PTPN21: variants seen among roughly 807,000 people sequenced by gnomAD.
The protein encoded by PTPN21 is tyrosine-protein phosphatase non-receptor type 21.
A neutral mutation model predicts 131.8 loss-of-function variants in PTPN21; 77 were observed. The ratio of observed to expected loss-of-function variants is 0.58; its 90% CI spans 0.49 to 0.71. PTPN21 has a LOEUF of 0.71. Among genes scored for constraint, PTPN21 ranks in the 30% least tolerant of loss-of-function variants. PTPN21 has a pLI of 0.00. For missense variants in PTPN21, 1,552 were observed against 1,527.1 expected (o/e 1.02, Z -0.27); for synonymous variants, 715 against 621.3 (o/e 1.15, Z -2.24).
chr14:88,490,298 C>T (rs775550755), intron 10 of PTPN21, among the ~76,000 whole-genome samples: 4 of 152,082 alleles, frequency 2.6e-5, no homozygotes, highest in East Asian at 1.9e-4. Context: ...CATGAGCCAC[C>T]GTGACCGGCC....
At chr14:88,518,255 A>AATATATATATATAT (rs1555388146) in intron 2 of PTPN21, among the ~76,000 whole-genome samples, 3 of 18,666 alleles carry the variant, frequency 1.6e-4, no homozygotes, top group African/African-American at 6.6e-4. Flanking sequence ...AAAAAAAAAA[A>AATATATATATATAT]ATATATATAT....
chr14:88,548,692 A>T (rs1184594577), intron 2 of PTPN21, among the ~76,000 whole-genome samples: 2 of 152,142 alleles, frequency 1.3e-5, no homozygotes, highest in Admixed American at 1.3e-4. Flanking sequence ...TCTATTCCTG[A>T]CTTTTTAGGT....
intron 9 of PTPN21, 91 bp downstream of exon 9, chr14:88,497,112 G>T: frequency 9.9e-7 from 1 of 1,014,292 alleles, no homozygotes; most frequent in Non-Finnish European, 1.5e-6. Flanking sequence ...TTTTAATGCT[G>T]CCCTGCCTCC....
chr14:88,504,103 AGGT>A (rs1250752629), intron 6 of PTPN21, among the ~76,000 whole-genome samples: 1 of 152,182 alleles, frequency 6.6e-6, no homozygotes, highest in Non-Finnish European at 1.5e-5. Context: ...GGTTTGTTTG[AGGT>A]TATCAAACAA....
chr14:88,496,440 T>C lies in PTPN21; in HGVS notation c.905A>G (p.Lys302Arg). The C allele has an allele frequency of 4.3e-6, 7 of 1,613,910 alleles. No homozygotes were observed. The highest frequency in any genetic ancestry group is 1.3e-5 in the African/African-American group (1 of 75,064). Residue 302 changes from lysine to arginine, a missense_variant, in exon 10 of 19, where the codon AAG (lysine) becomes AGG (arginine). Lys to Arg is a conservative substitution (Grantham distance 26). Coordinates refer to ENST00000556564, the MANE Select transcript of PTPN21 (RefSeq NM_007039.4). Reference sequence around the variant, plus strand: ...GTTACACTGGTTTAGTCTGTAAAACTTGTGTCGCGCAACACAGAGTCTCCA... The same window carrying C: ...GTTACACTGGTTTAGTCTGTAAAACCTGTGTCGCGCAACACAGAGTCTCCA... The part of the protein sequence containing the change: ...YIWRLCVARH[K>R]FYRLNQCNLQ...
chr14:88,544,892 G>A (rs1261327469), intron 2 of PTPN21, among the ~76,000 whole-genome samples: 4 of 151,992 alleles, frequency 2.6e-5, no homozygotes, highest in African/African-American at 7.2e-5. Flanking sequence ...CAGTGGCGCA[G>A]TCTCGGCTCA....
chr14:88,487,316 A>T (rs2140110878), intron 10 of PTPN21, among the ~76,000 whole-genome samples: 1 of 152,324 alleles, frequency 6.6e-6, no homozygotes, highest in South Asian at 2.1e-4. Flanking sequence ...GTAACACATA[A>T]TCACTGATTA....
chr14:88,473,793 T>C lies in PTPN21; in HGVS notation c.2521A>G (p.Lys841Glu). ...ATTTTTTTTGCATCTACTCGAGTCT[T>C]TTTCATTCCCTGTAAAAGGATTTAT... ...EGLPPLGGMK[K>E]TRVDAKKIGP... The change falls in exon 14 of 19, where the codon AAG (lysine) becomes GAG (glutamate). Residue 841 changes from lysine to glutamate, a missense_variant. Around this residue, in one of 4 missense-constraint regions of PTPN21, gnomAD observed 1,016 missense variants for 883.5 expected, o/e 1.15. Coordinates refer to ENST00000556564, the MANE Select transcript of PTPN21 (RefSeq NM_007039.4). 1.2e-6 allele frequency: 2 copies of C among 1,604,136 alleles called. No individual in the cohort carries two copies. The highest frequency in any genetic ancestry group is 1.7e-6 in the Non-Finnish European group (2 of 1,177,724).
In PTPN21 at chr14:88,469,905, G is replaced by C. The variant is rs1472451551; in HGVS notation, c.3000+17C>G. ...TTCAGAGGCTGAGAAAATCACTTAA[G>C]AGAAATAAGTACCTACCTCTTCTGC... is the stretch of plus-strand genomic sequence containing the variant. On this transcript the variant is annotated intron_variant, in intron 16 of 18. Coordinates refer to ENST00000556564, the MANE Select transcript of PTPN21 (RefSeq NM_007039.4). This position sits in a 1 kb window ranked among gnomAD's most constrained non-coding sequence, Gnocchi z 4.3. The C allele has an allele frequency of 6.2e-7, 1 of 1,613,742 alleles. No homozygotes were observed. Among genetic ancestry groups the C allele is most frequent in the East Asian group, 2.2e-5 (1 of 44,878 alleles).
Position 88,493,349 on chromosome 14 carries a change from A to T in PTPN21, c.932+3064T>A, listed in dbSNP as rs188575730. On this transcript the variant is annotated intron_variant, in intron 10 of 18. Transcript: ENST00000556564. ...TCTATGGGGGCTGTATTTTAAACTC[A>T]ATCTTGAAGAATGACTAAGAGTCTG... Among the ~76,000 whole-genome samples the T allele has an allele frequency of 1.1e-3, 162 of 152,334 alleles. 2 individuals carry two copies. In the East Asian group the frequency reaches 0.023, roughly 22 times the overall value.
intron 13 of PTPN21, among the ~76,000 whole-genome samples, chr14:88,476,154 G>C (rs2077544243): frequency 6.6e-6 from 1 of 152,174 alleles, no homozygotes; most frequent in South Asian, 2.1e-4. Flanking sequence ...TTATTTCACT[G>C]TTTTTAATAC....
chr14:88,495,013 CAAAAAAAAAA>C (rs386382090), intron 10 of PTPN21, among the ~76,000 whole-genome samples: 868 of 49,214 alleles, frequency 0.018, 21 homozygotes, highest in African/African-American at 0.056. Context: ...ACTCTGTCTC[CAAAAAAAAAA>C]AAAAAAAAAA....
At chr14:88,529,078 A>T (rs2078519500) in intron 2 of PTPN21, among the ~76,000 whole-genome samples, 1 of 151,848 alleles carries the variant, frequency 6.6e-6, no homozygotes, top group Admixed American at 6.6e-5. Flanking sequence ...AATGCTTTCA[A>T]CTCTTCCCCA....
intron 6 of PTPN21, among the ~76,000 whole-genome samples, chr14:88,502,821 A>G (rs1303029157): frequency 6.6e-6 from 1 of 152,148 alleles, no homozygotes; most frequent in Non-Finnish European, 1.5e-5. Context: ...AACTTGGGCT[A>G]GTAGAAAGCA....
intron 2 of PTPN21, among the ~76,000 whole-genome samples, chr14:88,545,059 T>A (rs1274240143): frequency 1.3e-5 from 2 of 152,140 alleles, no homozygotes; most frequent in African/African-American, 4.8e-5. Flanking sequence ...GGTCTTGAAC[T>A]CCTGACCTCA....
chr14:88,520,312 C>CA (rs1405429276), intron 2 of PTPN21, among the ~76,000 whole-genome samples: 1 of 151,850 alleles, frequency 6.6e-6, no homozygotes, highest in African/African-American at 2.4e-5. Flanking sequence ...ATCTACTTGG[C>CA]AGGCTGATCA....
chr14:88,541,082 C>A (rs12323840), intron 2 of PTPN21, among the ~76,000 whole-genome samples: 9,231 of 152,104 alleles, frequency 0.061, 362 homozygotes, highest in African/African-American at 0.11. Flanking sequence ...ACTACTCTGC[C>A]CCATATATAA....
At chr14:88,487,443 A>G (rs578006744) in intron 10 of PTPN21, among the ~76,000 whole-genome samples, 1 of 152,254 alleles carries the variant, frequency 6.6e-6, no homozygotes, top group East Asian at 1.9e-4. Context: ...ATCAAGCCTC[A>G]TGTCTCATAA....
chr14:88,517,817 TGTGTATATATA>T (rs1389767564), intron 2 of PTPN21, among the ~76,000 whole-genome samples: 5 of 146,338 alleles, frequency 3.4e-5, no homozygotes, highest in East Asian at 2.0e-4. Context: ...TATGTGTGTA[TGTGTATATATA>T]GTGTATATAC....
Sources: allele counts gnomAD v4.1 joint callset (sites outside exome capture counted in the v4.1 genomes callset), GRCh38; gene constraint gnomAD v4.1.1; regional missense constraint gnomAD v4.1.1; non-coding constraint Gnocchi (gnomAD v3.1); transcripts MANE v1.5; gene names NCBI Gene and HGNC (gene_info 2026-07-23, HGNC 2026-07-21).